APOBEC3F: variants seen among roughly 807,000 people sequenced by gnomAD.
APOBEC3F encodes DNA dC->dU-editing enzyme APOBEC-3F.
Under a neutral mutation model 45.8 loss-of-function variants are expected in APOBEC3F, and 34 were observed. The observed-to-expected ratio is 0.74, with a 90% CI of 0.57 to 0.99. APOBEC3F has a LOEUF of 0.99. Among genes scored for constraint, APOBEC3F ranks in the 50% least tolerant of loss-of-function variants. APOBEC3F has a pLI of 0.00. For synonymous variants in APOBEC3F, 192 were observed against 174.4 expected, an observed-to-expected ratio of 1.10 and a Z score of -0.80; for missense variants, 459 against 474.1, an observed-to-expected ratio of 0.97 and a Z score of 0.30.
rs1202264034 is a variant in APOBEC3F at position 39,055,207 on chromosome 22, G to C, written c.*2512G>C. Among the ~76,000 whole-genome samples, 1 of 151,956 alleles carries C rather than the reference G, an allele frequency of 6.6e-6. No homozygotes were observed. Among genetic ancestry groups the C allele is most frequent in the African/African-American group, 2.4e-5 (1 of 41,404 alleles). ...CGTGCCTCAGCCTCCTGAGTAGCTG[G>C]GACTACAGGCGTGTGCCACCACGCC... On this transcript the variant is annotated 3_prime_UTR_variant, in exon 7 of 7. Coordinates refer to ENST00000308521, the MANE Select transcript of APOBEC3F (RefSeq NM_145298.6).
Position 39,052,904 on chromosome 22 carries a change from C to G in APOBEC3F, c.*209C>G, listed in dbSNP as rs1272936054. 14 of 1,203,268 alleles carry G rather than the reference C, an allele frequency of 1.2e-5. No homozygotes were observed. Among genetic ancestry groups the G allele is most frequent in the Non-Finnish European group, 1.4e-5 (13 of 925,578 alleles). 74.5% of individuals were successfully genotyped at this position (1,203,268 alleles called of 1,614,324 possible). On this transcript the variant is annotated 3_prime_UTR_variant, in exon 7 of 7. Transcript: ENST00000308521. ...CAGAGGCCTCTTTCTGCCTCCATGG[C>G]TATCCATCCACCCACCAAGACCCTG... is the stretch of plus-strand genomic sequence containing the variant.
rs1926845158 is a variant in APOBEC3F at position 39,040,900 on chromosome 22, AG to A, written c.-60del. 10 of 1,553,422 alleles carry A rather than the reference AG, an allele frequency of 6.4e-6. No homozygotes were observed. The South Asian group carries it at 1.2e-4, about 18-fold the overall frequency. On this transcript the variant is annotated 5_prime_UTR_variant, in exon 1 of 7. Transcript: ENST00000308521. ...GGCTGTCCTGAAACCTGGAGCCTGG[AG>A]CAGAAAGTGAAACCCTGGTGCTCCA... is the stretch of plus-strand genomic sequence containing the variant.
intron 5 of APOBEC3F, among the ~76,000 whole-genome samples, chr22:39,051,741 C>A (rs1239031991): frequency 1.3e-5 from 2 of 151,740 alleles, no homozygotes; most frequent in Non-Finnish European, 2.9e-5. Flanking sequence ...GGCTTGAGCC[C>A]AAGAGTTCGA....
chr22:39,050,379 C>A (rs1927427774), intron 5 of APOBEC3F, among the ~76,000 whole-genome samples: 1 of 151,520 alleles, frequency 6.6e-6, no homozygotes, highest in Non-Finnish European at 1.5e-5. Context: ...CGTGTCCCAC[C>A]CAACCCTGCG....
chr22:39,046,377 G>C (rs534074975), intron 4 of APOBEC3F, among the ~76,000 whole-genome samples: 1 of 152,224 alleles, frequency 6.6e-6, no homozygotes, highest in South Asian at 2.1e-4. Flanking sequence ...TCAAGCTTGC[G>C]TGGGGCATGC....
At chr22:39,044,157 G>A in intron 2 of APOBEC3F, 1 of 1,594,654 alleles carries the variant, frequency 6.3e-7, no homozygotes, top group African/African-American at 1.3e-5. Flanking sequence ...CACCACATGG[G>A]ACAGCGCAGG....
chr22:39,043,014 C>G lies in APOBEC3F; in HGVS notation c.95C>G (p.Thr32Ser), dbSNP rs1381188361. ...YNRPILSRRN[T>S]VWLCYEVKTK... is the part of the protein sequence containing the mutation. ...AGACCCATCCTTTCTCGTCGGAATA[C>G]CGTCTGGCTGTGCTACGAAGTGAAA... Residue 32 changes from threonine to serine, a missense_variant, in exon 2 of 7, where the codon ACC becomes AGC. Coordinates refer to ENST00000308521, the MANE Select transcript of APOBEC3F (RefSeq NM_145298.6). 1.2e-6 allele frequency: 2 copies of G among 1,614,188 alleles called. No individual in the cohort carries two copies. The highest frequency in any genetic ancestry group is 3.3e-5 in the Admixed American group (2 of 60,020).
At chr22:39,046,980 A>G (rs931818367) in intron 4 of APOBEC3F, among the ~76,000 whole-genome samples, 4 of 152,114 alleles carry the variant, frequency 2.6e-5, no homozygotes, top group African/African-American at 9.7e-5. Context: ...GGAACTGAGC[A>G]CCTGGGTCTT....
At chr22:39,044,000 G>A in intron 2 of APOBEC3F, 1 of 1,453,570 alleles carries the variant, frequency 6.9e-7, no homozygotes. Flanking sequence ...ACTCCAGCCT[G>A]GGCAACAAGA....
rs550863408 is a variant in APOBEC3F, at chr22:39,052,689, C to A, written c.1116C>A (p.Leu372=). 5.0e-6 allele frequency: 8 copies of A among 1,612,566 alleles called. No homozygotes were observed. Among genetic ancestry groups the A allele is most frequent in the Non-Finnish European group, 6.8e-6 (8 of 1,178,980 alleles). Residue 372 remains leucine, a synonymous_variant, in exon 7 of 7, where the codon CTC becomes CTA. Transcript: ENST00000308521. ...LFLDSKLQEI[L]E is the part of the protein sequence containing the mutation. ...TGGACAGCAAGCTGCAGGAGATTCT[C>A]GAGTGAGGGGTCTCCCCGGGCCTCA...
chr22:39,045,949 C>T (rs1365331105), intron 4 of APOBEC3F, among the ~76,000 whole-genome samples: 2 of 151,794 alleles, frequency 1.3e-5, no homozygotes, highest in Non-Finnish European at 3.0e-5. Flanking sequence ...TGAGAAGGAG[C>T]AGCCTCTGTG....
In APOBEC3F at chr22:39,052,093, G is replaced by C. The variant is rs1927516963; in HGVS notation, c.743G>C (p.Cys248Ser). 1 of 1,612,470 alleles carries C rather than the reference G, an allele frequency of 6.2e-7. No individual in the cohort carries two copies. Among genetic ancestry groups the C allele is most frequent in the African/African-American group, 1.3e-5 (1 of 75,022 alleles). The change falls in exon 6 of 7, where the codon TGT becomes TCT. Residue 248 changes from cysteine (C) to serine (S), a missense_variant. Coordinates refer to ENST00000308521, the MANE Select transcript of APOBEC3F (RefSeq NM_145298.6). ...FRNQVDPETH[C>S]HAERCFLSWF... ...CCCCAGGTGGATCCTGAGACCCATT[G>C]TCATGCAGAAAGGTGCTTCCTCTCT...
At chr22:39,047,530 C>T (rs1437098116) in intron 4 of APOBEC3F, among the ~76,000 whole-genome samples, 1 of 152,194 alleles carries the variant, frequency 6.6e-6, no homozygotes, top group Admixed American at 6.5e-5. Context: ...CCCGCTCTGC[C>T]CACGGGGCCT....
intron 4 of APOBEC3F, 21 bp from the exon 5 acceptor site, chr22:39,049,404 G>T (rs1601500755): frequency 6.2e-7 from 1 of 1,612,796 alleles, no homozygotes; most frequent in South Asian, 1.1e-5. Flanking sequence ...CTGCATTGGG[G>T]TTTCTCTATT....
chr22:39,044,140 T>TGCGCCCCACCACATGGGACAGC (rs1419887629), intron 2 of APOBEC3F: 1 of 1,575,422 alleles, frequency 6.3e-7, no homozygotes, highest in East Asian at 2.3e-5. Flanking sequence ...CTTTGGCCAG[T>TGCGCCCCACCACATGGGACAGC]GCGCCCCACC....
rs1263144144 is a variant in APOBEC3F, at chr22:39,053,082, G to A, written c.*387G>A. On this transcript the variant is annotated 3_prime_UTR_variant, in exon 7 of 7. Coordinates refer to ENST00000308521, the MANE Select transcript of APOBEC3F (RefSeq NM_145298.6). ...GCTCACTGCAAACTCTGCCTACCAG[G>A]TTCAAGCGATTCTCCTGCCTCCGCC... The A allele has an allele frequency of 6.3e-6, 1 of 159,632 alleles. No individual in the cohort carries two copies. The highest frequency in any genetic ancestry group is 2.4e-5 in the African/African-American group (1 of 41,476). 9.9% of individuals were successfully genotyped at this position (159,632 alleles called of 1,614,324 possible).
rs770058721 is a variant in APOBEC3F at position 39,043,078 on chromosome 22, C to T, written c.159C>T (p.Ile53=). The T allele has an allele frequency of 6.2e-7, 1 of 1,614,158 alleles. No homozygotes were observed. The highest frequency in any genetic ancestry group is 1.1e-5 in the South Asian group (1 of 91,076). ...GPSRPRLDAK[I]FRGQVYSQPE... is the part of the protein sequence containing the mutation. ...CAAGGCCCCGTTTGGACGCAAAGAT[C>T]TTTCGAGGCCAGGTACCACCCGGAC... Residue 53 remains isoleucine (I), a synonymous_variant, in exon 2 of 7, where the codon ATC becomes ATT. Coordinates refer to ENST00000308521, the MANE Select transcript of APOBEC3F (RefSeq NM_145298.6).
intron 2 of APOBEC3F, chr22:39,044,326 A>G: frequency 7.1e-7 from 1 of 1,418,328 alleles, no homozygotes; most frequent in Non-Finnish European, 9.2e-7. Flanking sequence ...AAACTTCCAA[A>G]CGAAGGGAAG....
chr22:39,052,182 A>G lies in APOBEC3F; in HGVS notation c.832A>G (p.Ser278Gly). 6.2e-7 allele frequency: 1 copy of G among 1,614,138 alleles called. No individual in the cohort carries two copies. The highest frequency in any genetic ancestry group is 8.5e-7 in the Non-Finnish European group (1 of 1,180,022). Reference protein sequence around the residue: ...NYEVTWYTSWSPCPECAGEVA... With the variant: ...NYEVTWYTSWGPCPECAGEVA... ...CGAGGTCACCTGGTACACATCTTGG[A>G]GCCCTTGCCCAGAGTGTGCAGGGGA... The change falls in exon 6 of 7, where the codon AGC becomes GGC. Residue 278 changes from serine to glycine, a missense_variant. By Grantham distance (56) the Ser-to-Gly change is moderately conservative. Transcript: ENST00000308521.
Sources: gnomAD v4.1 joint callset for allele counts (sites outside exome capture counted in the v4.1 genomes callset) on GRCh38, gnomAD v4.1.1 for gene constraint, MANE v1.5 for transcripts, NCBI Gene and HGNC (gene_info 2026-07-23, HGNC 2026-07-21) for gene names.